Variants in LCORL observed in about 807,000 individuals in gnomAD.
LCORL encodes the protein ligand dependent nuclear receptor corepressor like.
A neutral mutation model predicts 141.8 loss-of-function variants in LCORL; 41 were observed. The ratio of observed to expected loss-of-function variants is 0.29; its 90% CI spans 0.23 to 0.38. The LOEUF (loss-of-function observed/expected upper bound fraction) is 0.38. Among genes scored for constraint, LCORL ranks in the 10% least tolerant of loss-of-function variants. LCORL has a pLI of 1.00. For synonymous variants in LCORL, 618 were observed against 694.1 expected (o/e 0.89, Z 1.72); for missense variants, 1,759 against 2,035.0 (o/e 0.86, Z 2.61).
At chr4:17,876,088 C>T in exon 7 of LCORL, 1 of 1,230,912 alleles carries the variant, frequency 8.1e-7, no homozygotes, top group Non-Finnish European at 1.0e-6. Context: ...CTACTTTTAA[C>T]CTCAGATAAA....
chr4:17,981,792 T>C (rs1434312429), intron 1 of LCORL, among the ~76,000 whole-genome samples: 1 of 152,076 alleles, frequency 6.6e-6, no homozygotes, highest in Non-Finnish European at 1.5e-5. Context: ...TGCAGGTTTG[T>C]TACATAGGCA....
intron 4 of LCORL, among the ~76,000 whole-genome samples, chr4:17,958,356 C>T (rs763207536): frequency 2.0e-5 from 3 of 151,708 alleles, no homozygotes; most frequent in African/African-American, 4.8e-5. Context: ...CAGTATGATT[C>T]GTTCAGCTAC....
intron 6 of LCORL, chr4:17,880,606 CTTTTCTTTTCTTT>C (rs964742529): frequency 2.0e-6 from 2 of 978,756 alleles, no homozygotes; most frequent in African/African-American, 3.5e-5. Flanking sequence ...CAGTTTTTTT[CTTTTCTTTTCTTT>C]TTTTCTTTTA....
chr4:18,019,758 C>T (rs1427831646), intron 1 of LCORL, among the ~76,000 whole-genome samples: 1 of 152,002 alleles, frequency 6.6e-6, no homozygotes, highest in Non-Finnish European at 1.5e-5. Context: ...CTTGACAAAA[C>T]TTAACAGTAA....
At chr4:18,003,798 G>A (rs1722361354) in intron 1 of LCORL, among the ~76,000 whole-genome samples, 1 of 152,296 alleles carries the variant, frequency 6.6e-6, no homozygotes, top group East Asian at 1.9e-4. Context: ...CTGACTTGAG[G>A]TGTAACTTTT....
At chr4:17,943,179 A>T (rs1577494950) in intron 4 of LCORL, among the ~76,000 whole-genome samples, 1 of 152,176 alleles carries the variant, frequency 6.6e-6, no homozygotes, top group South Asian at 2.1e-4. Flanking sequence ...AAGAGCTCAT[A>T]TATTATTCTC....
chr4:17,936,979 G>C (rs1736970647), intron 4 of LCORL, among the ~76,000 whole-genome samples: 1 of 152,008 alleles, frequency 6.6e-6, no homozygotes, highest in African/African-American at 2.4e-5. Context: ...TTATTATCCT[G>C]CAATAGTTTC....
At chr4:17,848,905 C>T (rs186767532) in intron 7 of LCORL, among the ~76,000 whole-genome samples, 1,539 of 152,320 alleles carry the variant, frequency 0.01, 96 homozygotes, top group Admixed American at 0.092. Flanking sequence ...GAGGGTCCTA[C>T]GCCCACAGAG....
At chr4:17,927,018 A>G (rs1327086393) in intron 4 of LCORL, among the ~76,000 whole-genome samples, 1 of 152,242 alleles carries the variant, frequency 6.6e-6, no homozygotes, top group African/African-American at 2.4e-5. Flanking sequence ...TCTTCTTTTA[A>G]CAGAAGACTG....
intron 1 of LCORL, among the ~76,000 whole-genome samples, chr4:17,983,294 C>T (rs1035710534): frequency 6.6e-6 from 1 of 152,064 alleles, no homozygotes. Context: ...GTTTCTAGTT[C>T]TGTGAAGAAT....
intron 4 of LCORL, among the ~76,000 whole-genome samples, chr4:17,960,627 T>C (rs543548698): frequency 1.3e-5 from 2 of 152,126 alleles, no homozygotes; most frequent in African/African-American, 4.8e-5. Flanking sequence ...AGAAAGTATG[T>C]AAAATTATTG....
At chr4:17,963,505 C>T (rs1714263525) in intron 2 of LCORL, among the ~76,000 whole-genome samples, 1 of 151,616 alleles carries the variant, frequency 6.6e-6, no homozygotes, top group South Asian at 2.1e-4. Context: ...TGGAATGATG[C>T]CCAAGAAAAC....
At chr4:17,986,651 TTGTC>T (rs1296969535) in intron 1 of LCORL, among the ~76,000 whole-genome samples, 2 of 152,162 alleles carry the variant, frequency 1.3e-5, no homozygotes, top group African/African-American at 2.4e-5. Context: ...ACTGGCTACT[TTGTC>T]TGTCAGCTCC....
At chr4:17,847,329 T>C (rs746090970) in intron 7 of LCORL, among the ~76,000 whole-genome samples, 2 of 152,054 alleles carry the variant, frequency 1.3e-5, no homozygotes, top group African/African-American at 4.8e-5. Context: ...CTTGGTAGAG[T>C]TGGGAAATGG....
At chr4:17,937,636 T>G (rs1737084076) in intron 4 of LCORL, among the ~76,000 whole-genome samples, 1 of 152,180 alleles carries the variant, frequency 6.6e-6, no homozygotes, top group Admixed American at 6.5e-5. Flanking sequence ...AGAAACATAT[T>G]AACAAGTATG....
chr4:17,907,472 C>T (rs1731820485), intron 5 of LCORL, among the ~76,000 whole-genome samples: 1 of 152,218 alleles, frequency 6.6e-6, no homozygotes, highest in East Asian at 1.9e-4. Flanking sequence ...TGTCACATAC[C>T]AAAGCCTATG....
intron 4 of LCORL, among the ~76,000 whole-genome samples, chr4:17,953,032 T>C (rs1461516227): frequency 6.6e-6 from 1 of 152,110 alleles, no homozygotes; most frequent in Admixed American, 6.5e-5. Context: ...TTACTAAAGA[T>C]AATGGCCTCT....
chr4:17,955,910 G>A (rs371319362), intron 4 of LCORL, among the ~76,000 whole-genome samples: 1 of 152,028 alleles, frequency 6.6e-6, no homozygotes, highest in African/African-American at 2.4e-5. Context: ...CAGTGAAAGT[G>A]GTGTGGTCTA....
Position 17,877,931 on chromosome 4 carries a change from T to C in LCORL, c.1059A>G (p.Lys353=), listed in dbSNP as rs530802241. The change falls in exon 7 of 8, where the codon AAA becomes AAG. Residue 353 remains lysine, a synonymous_variant. Coordinates refer to ENST00000635767, the Ensembl canonical transcript of LCORL. ...GCAGAGGTTCTAAACCAGGGCTTTG[T>C]TTTTCGTTTTGTAAACAACCTCTTT... 64 of 1,230,646 alleles carry C rather than the reference T, an allele frequency of 5.2e-5. No individual in the cohort carries two copies. The African/African-American group carries it at 8.1e-4, about 16-fold the overall frequency. 76.2% of individuals were successfully genotyped at this position (1,230,646 alleles called of 1,614,324 possible).
Sources: allele counts gnomAD v4.1 joint callset (sites outside exome capture counted in the v4.1 genomes callset), GRCh38; gene constraint gnomAD v4.1.1; transcripts MANE v1.5; gene names NCBI Gene and HGNC (gene_info 2026-07-23, HGNC 2026-07-21).